The following WFDC9 variants were observed in gnomAD, a reference collection of about 807,000 sequenced individuals.
WFDC9 encodes the protein WAP four-disulfide core domain 9, also known as protein WFDC9.
In WFDC9, 9 loss-of-function variants were observed where a neutral mutation model predicts 9.5. The ratio of observed to expected loss-of-function variants is 0.95; its 90% CI spans 0.57 to 1.65. The LOEUF is 1.65. WFDC9 is among the 40% of genes most tolerant of loss of function. The pLI is 0.00. For synonymous variants in WFDC9, 33 were observed against 32.3 expected (o/e 1.02, Z -0.07); for missense variants, 87 against 106.7 (o/e 0.82, Z 0.81).
chr20:45,630,116 C>A (rs1282356200), intron 1 of WFDC9, among the ~76,000 whole-genome samples: 1 of 152,308 alleles, frequency 6.6e-6, no homozygotes. Context: ...AAGAAACCTG[C>A]ATATTTTGCT....
intron 1 of WFDC9, among the ~76,000 whole-genome samples, chr20:45,630,176 G>A (rs933058906): frequency 2.6e-5 from 4 of 152,164 alleles, no homozygotes; most frequent in East Asian, 1.9e-4. Context: ...AGTGAAAGGC[G>A]CACCAGGGCT....
chr20:45,631,105 T>A lies in WFDC9; in HGVS notation c.-153+98A>T, dbSNP rs192722129. 5.4e-4 allele frequency: 767 copies of A among 1,432,584 alleles called. 1 individual carries two copies. Among genetic ancestry groups the A allele is most frequent in the Admixed American group, 3.7e-3 (147 of 40,144 alleles). 88.7% of individuals were successfully genotyped at this position (1,432,584 alleles called of 1,614,324 possible). A position where few individuals can be genotyped will look rare whatever the true frequency, so the allele number is the denominator to read the frequency against. On this transcript the variant is annotated intron_variant, in intron 1 of 4. Transcript: ENST00000326000. ...ACATCCGAAGCACAAGGACCTCAAG[T>A]CACCAGCATAAGAACATCAACAGGA...
intron 1 of WFDC9, among the ~76,000 whole-genome samples, chr20:45,621,726 G>A (rs540836892): frequency 9.9e-5 from 15 of 152,278 alleles, no homozygotes; most frequent in South Asian, 2.1e-4. Flanking sequence ...CTTCACACAT[G>A]TTGTCACAAC....
At position 45,625,681 on chromosome 20, in the gene WFDC9, A is replaced by T. The variant is rs568138967; in HGVS notation, c.-153+5522T>A. 3.3e-5 allele frequency among the ~76,000 whole-genome samples: 5 copies of T among 152,062 alleles called. No individual in the cohort carries two copies. In the South Asian group the frequency reaches 8.3e-4, roughly 25 times the overall value. ...AAGGTCTAATTTCATTATTCTGCAT[A>T]TGGATATCCAGTTTTCCTAGCACCA... On this transcript the variant is annotated intron_variant, in intron 1 of 4. Transcript: ENST00000326000.
intron 1 of WFDC9, among the ~76,000 whole-genome samples, chr20:45,619,262 T>G (rs1175776290): frequency 1.3e-5 from 2 of 152,152 alleles, no homozygotes; most frequent in Non-Finnish European, 2.9e-5. Context: ...AGGAGCACAG[T>G]CACTAATGAG....
intron 2 of WFDC9, among the ~76,000 whole-genome samples, chr20:45,611,872 G>A (rs1981865850): frequency 6.6e-6 from 1 of 152,122 alleles, no homozygotes; most frequent in African/African-American, 2.4e-5. Flanking sequence ...GCTATACAAA[G>A]GTAATTTTCA....
At chr20:45,627,812 T>A (rs1041468558) in intron 1 of WFDC9, among the ~76,000 whole-genome samples, 1 of 152,204 alleles carries the variant, frequency 6.6e-6, no homozygotes, top group Non-Finnish European at 1.5e-5. Flanking sequence ...TTCTAATTAT[T>A]TCCATTATAG....
intron 1 of WFDC9, 190 bp downstream of exon 1, chr20:45,631,013 C>T: frequency 6.3e-7 from 1 of 1,598,516 alleles, no homozygotes; most frequent in Non-Finnish European, 8.5e-7. Flanking sequence ...CATGAGCATC[C>T]TGTGAGTGGG....
In WFDC9 at chr20:45,610,222, G is replaced by A; in HGVS notation, c.-41C>T. Reference sequence around the variant, plus strand: ...TATTTGGGTTAAGTTCTGGCAGAAGGCAAGTCTTTTCCCAATACTGCTAGA... The same window carrying A: ...TATTTGGGTTAAGTTCTGGCAGAAGACAAGTCTTTTCCCAATACTGCTAGA... On this transcript the variant is annotated 5_prime_UTR_variant, in exon 3 of 5. Transcript: ENST00000326000. 1.3e-6 allele frequency: 2 copies of A among 1,574,550 alleles called. No homozygotes were observed. The highest frequency in any genetic ancestry group is 1.7e-6 in the Non-Finnish European group (2 of 1,146,334).
At chr20:45,622,601 A>G (rs1982125249) in intron 1 of WFDC9, among the ~76,000 whole-genome samples, 1 of 152,302 alleles carries the variant, frequency 6.6e-6, no homozygotes, top group South Asian at 2.1e-4. Context: ...TCCCTGAAAC[A>G]TTTGAGAGTC....
At chr20:45,608,531 G>T in intron 4 of WFDC9, 132 bp downstream of exon 4, 1 of 1,126,018 alleles carries the variant, frequency 8.9e-7, no homozygotes, top group Non-Finnish European at 1.3e-6. Flanking sequence ...TAGGTTTGGA[G>T]ATAGGAGGAC....
At chr20:45,624,421 G>A (rs1355427217) in intron 1 of WFDC9, among the ~76,000 whole-genome samples, 1 of 152,162 alleles carries the variant, frequency 6.6e-6, no homozygotes, top group Non-Finnish European at 1.5e-5. Flanking sequence ...GGCTGAATAG[G>A]ATTGTGTTGT....
intron 1 of WFDC9, chr20:45,630,912 C>T (rs1422617727): frequency 6.2e-7 from 1 of 1,609,470 alleles, no homozygotes; most frequent in East Asian, 2.2e-5. Context: ...CAGCAGCAGC[C>T]TAAACTATAT....
chr20:45,629,628 C>G (rs1600925872), intron 1 of WFDC9: 1 of 574,608 alleles, frequency 1.7e-6, no homozygotes. Flanking sequence ...TCCCACATGA[C>G]GAACGACAAG....
At chr20:45,624,859 ATATT>A (rs1399578591) in intron 1 of WFDC9, among the ~76,000 whole-genome samples, 2 of 151,948 alleles carry the variant, frequency 1.3e-5, no homozygotes, top group Non-Finnish European at 2.9e-5. Flanking sequence ...TTTTTTTCAT[ATATT>A]TGTTGGTCAT....
At chr20:45,629,589 G>T (rs538562056) in intron 1 of WFDC9, 2 of 415,720 alleles carry the variant, frequency 4.8e-6, no homozygotes, top group Non-Finnish European at 8.6e-6. Flanking sequence ...TATGTGAAAG[G>T]AGGAGGCGTC....
At chr20:45,615,794 A>C (rs1981960109) in intron 1 of WFDC9, among the ~76,000 whole-genome samples, 1 of 152,088 alleles carries the variant, frequency 6.6e-6, no homozygotes, top group Non-Finnish European at 1.5e-5. Context: ...TTTCATTATT[A>C]CTTATTAAAA....
At chr20:45,614,467 G>C (rs1981930442) in intron 2 of WFDC9, among the ~76,000 whole-genome samples, 161 bp downstream of exon 2, 1 of 152,086 alleles carries the variant, frequency 6.6e-6, no homozygotes, top group Non-Finnish European at 1.5e-5. Context: ...TTTACCTATG[G>C]AACCTCAGAC....
At chr20:45,615,807 T>C in intron 1 of WFDC9, among the ~76,000 whole-genome samples, 1 of 152,220 alleles carries the variant, frequency 6.6e-6, no homozygotes, top group East Asian at 1.9e-4. Context: ...TATTAAAATA[T>C]TAAAAAGGTA....
Sources: allele counts gnomAD v4.1 joint callset (sites outside exome capture counted in the v4.1 genomes callset), GRCh38; gene constraint gnomAD v4.1.1; transcripts MANE v1.5; gene names NCBI Gene and HGNC (gene_info 2026-07-23, HGNC 2026-07-21).